AGT: variants seen among roughly 807,000 people sequenced by gnomAD.
The protein encoded by AGT is alpha-1 antiproteinase, antitrypsin.
AGT carries 26 observed loss-of-function variants against 28.1 expected under a neutral mutation model. The observed-to-expected ratio is 0.92, with a 90% CI of 0.68 to 1.28. The LOEUF (loss-of-function observed/expected upper bound fraction) is 1.28, where lower values mean the gene tolerates loss of function less well. Ranked by LOEUF, AGT falls within the 50% of genes most tolerant of loss-of-function variation. The pLI is 0.00. For synonymous variants in AGT, 259 were observed against 259.6 expected (o/e 1.00, Z 0.02); for missense variants, 596 against 592.3 (o/e 1.01, Z -0.06).
chr1:230,745,241 G>A (rs1169141990), intron 1 of AGT, among the ~76,000 whole-genome samples: 1 of 152,174 alleles, frequency 6.6e-6, no homozygotes, highest in African/African-American at 2.4e-5. Context: ...GGCAGGGGGT[G>A]CAGAGAGGAT....
intron 2 of AGT, among the ~76,000 whole-genome samples, chr1:230,709,013 C>G (rs1663478362): frequency 6.6e-6 from 1 of 152,210 alleles, no homozygotes; most frequent in African/African-American, 2.4e-5. Context: ...CTCCTAGCTT[C>G]ACCAGCCCTG....
chr1:230,745,406 C>T (rs1227145080), intron 1 of AGT, among the ~76,000 whole-genome samples: 1 of 152,166 alleles, frequency 6.6e-6, no homozygotes, highest in African/African-American at 2.4e-5. Flanking sequence ...GGATAACTCG[C>T]CCAAGATCAC....
chr1:230,723,358 C>T (rs531701590), intron 1 of AGT, among the ~76,000 whole-genome samples: 1 of 152,290 alleles, frequency 6.6e-6, no homozygotes, highest in South Asian at 2.1e-4. Context: ...AGCTGAAAAA[C>T]ATTCTTAAAT....
At chr1:230,711,786 G>C (rs1663598613) in intron 1 of AGT, among the ~76,000 whole-genome samples, 1 of 150,286 alleles carries the variant, frequency 6.7e-6, no homozygotes, top group East Asian at 2.0e-4. Context: ...AATGATAGTT[G>C]GATTCCTTAG....
At chr1:230,718,220 C>T (rs887414717), upstream of AGT, among the ~76,000 whole-genome samples, 1 of 152,166 alleles carries the variant, frequency 6.6e-6, no homozygotes, top group African/African-American at 2.4e-5. Context: ...GTTGGGATTA[C>T]AGGCATAAGC....
intron 1 of AGT, among the ~76,000 whole-genome samples, chr1:230,713,444 C>T (rs7539020): frequency 0.44 from 66,355 of 152,072 alleles, 15,132 homozygotes; most frequent in East Asian, 0.7. Flanking sequence ...CACCAATCTA[C>T]GCTGCCCTCG....
chr1:230,735,761 C>T lies in AGT; in HGVS notation c.-31+9754G>A, dbSNP rs187417524. 3.5e-4 allele frequency among the ~76,000 whole-genome samples: 54 copies of T among 152,308 alleles called. No individual in the cohort carries two copies. In the East Asian group the frequency reaches 7.1e-3, roughly 20 times the overall value. On this transcript the variant is annotated intron_variant, in intron 1 of 4. Coordinates refer to the AGT transcript ENST00000681269. ...CATCCTCCCCCATCAGCTCCCATCC[C>T]GCCCTCCTTCCTGAAACTGCTTCTC...
Position 230,729,673 on chromosome 1 carries a change from T to TGTCACAAAGATGTAAAAACAAAGA in AGT, c.-31+15841_-31+15842insTCTTTGTTTTTACATCTTTGTGAC, listed in dbSNP as rs1664015062. ...CTCCTGTCACAAAGATGTAAGAAGC[T>TGTCACAAAGATGTAAAAACAAAGA]TGTTTTTCTCTAGATAAAGCCCATT... is the stretch of plus-strand genomic sequence containing the variant. On this transcript the variant is annotated intron_variant, in intron 1 of 4. Transcript: ENST00000681269. Among the ~76,000 whole-genome samples the TGTCACAAAGATGTAAAAACAAAGA allele has an allele frequency of 3.9e-5, 6 of 152,290 alleles. No homozygotes were observed. In the South Asian group the frequency reaches 1.2e-3, roughly 32 times the overall value.
intron 3 of AGT, among the ~76,000 whole-genome samples, chr1:230,705,517 C>G (rs1368878031): frequency 1.3e-5 from 2 of 152,214 alleles, no homozygotes; most frequent in African/African-American, 4.8e-5. Flanking sequence ...GGCCCCACCC[C>G]CGCTCACGCG....
chr1:230,706,586 T>G (rs1299688264), intron 2 of AGT, among the ~76,000 whole-genome samples: 1 of 152,146 alleles, frequency 6.6e-6, no homozygotes, highest in African/African-American at 2.4e-5. Flanking sequence ...TTAAAAAATT[T>G]AAGAGATGTT....
At chr1:230,703,411 C>T (rs1663288227) in intron 4 of AGT, 82 bp from the exon 5 acceptor site, 2 of 1,449,866 alleles carry the variant, frequency 1.4e-6, no homozygotes, top group South Asian at 1.2e-5. Flanking sequence ...CCGGGGTGGG[C>T]TCAGGACCTC....
In AGT at chr1:230,702,585, G is replaced by T. The variant is rs7079; in HGVS notation, c.*556C>A. 0.25 allele frequency: 39,528 copies of T among 157,228 alleles called. 5,858 individuals carry two copies. Among genetic ancestry groups the T allele is most frequent in the Middle Eastern group, 0.36 (108 of 298 alleles). The allele number at this position is 157,228 out of a possible 1,614,324, so 9.7% of individuals were successfully genotyped here. A position where few individuals can be genotyped will look rare whatever the true frequency, so the allele number is the denominator to read the frequency against. On this transcript the variant is annotated 3_prime_UTR_variant, in exon 5 of 5. Coordinates refer to ENST00000366667, the MANE Select transcript of AGT (RefSeq NM_001384479.1). Reference sequence around the variant, plus strand: ...ACACAAGGGAGAAATAACCAGCTATGGTTCCGCATTCAAACAGAAATTCAG... The same window carrying T: ...ACACAAGGGAGAAATAACCAGCTATTGTTCCGCATTCAAACAGAAATTCAG...
At chr1:230,712,605 C>A (rs1445707702) in intron 1 of AGT, among the ~76,000 whole-genome samples, 3 of 152,230 alleles carry the variant, frequency 2.0e-5, no homozygotes, top group Non-Finnish European at 2.9e-5. Context: ...GCTGGGAAGT[C>A]CTGCCTGACA....
At chr1:230,711,495 G>C (rs1010747748) in intron 1 of AGT, among the ~76,000 whole-genome samples, 3 of 152,142 alleles carry the variant, frequency 2.0e-5, no homozygotes, top group African/African-American at 7.2e-5. Flanking sequence ...GCAGCTGTAA[G>C]TTCTCTTCCT....
At chr1:230,742,547 C>T (rs1480638624) in intron 1 of AGT, among the ~76,000 whole-genome samples, 1 of 152,190 alleles carries the variant, frequency 6.6e-6, no homozygotes, top group African/African-American at 2.4e-5. Flanking sequence ...GAACTCCTGA[C>T]CTCATGATCC....
intron 1 of AGT, among the ~76,000 whole-genome samples, chr1:230,737,664 CT>C: frequency 6.6e-6 from 1 of 152,272 alleles, no homozygotes; most frequent in Non-Finnish European, 1.5e-5. Context: ...AGTACTACAA[CT>C]TTACGAAACA....
chr1:230,718,054 T>C (rs370957282), upstream of AGT, among the ~76,000 whole-genome samples: 35 of 152,280 alleles, frequency 2.3e-4, no homozygotes, highest in East Asian at 6.2e-3. Flanking sequence ...TCCTCCTGCC[T>C]CAGTCTCCAG....
upstream of AGT, among the ~76,000 whole-genome samples, chr1:230,717,412 CA>C (rs1003970720): frequency 6.6e-6 from 1 of 152,134 alleles, no homozygotes; most frequent in African/African-American, 2.4e-5. Flanking sequence ...AAAACTAAAC[CA>C]AACCAGGAAA....
At chr1:230,705,374 G>C (rs552388778) in intron 3 of AGT, among the ~76,000 whole-genome samples, 44 of 152,340 alleles carry the variant, frequency 2.9e-4, no homozygotes, top group African/African-American at 1.0e-3. Flanking sequence ...ATGATCTGGG[G>C]TGATGTGTAG....
Sources: gnomAD v4.1 joint callset for allele counts (sites outside exome capture counted in the v4.1 genomes callset) on GRCh38, gnomAD v4.1.1 for gene constraint, MANE v1.5 for transcripts, NCBI Gene and HGNC (gene_info 2026-07-23, HGNC 2026-07-21) for gene names.